FOXA3: variants seen among roughly 807,000 people sequenced by gnomAD.
The protein encoded by FOXA3 is hepatocyte nuclear factor 3-gamma.
Under a neutral mutation model 16.9 loss-of-function variants are expected in FOXA3, and 11 were observed. The ratio of observed to expected loss-of-function variants is 0.65; its 90% confidence interval spans 0.41 to 1.08. FOXA3 has a LOEUF of 1.08. Ranked by LOEUF, FOXA3 falls within the 50% of genes least tolerant of loss-of-function variation. The pLI is 0.00. For missense variants in FOXA3, 423 were observed against 470.1 expected, an observed-to-expected ratio of 0.90 and a Z score of 0.93; for synonymous variants, 217 against 203.3, an observed-to-expected ratio of 1.07 and a Z score of -0.57.
In FOXA3 at chr19:45,872,947, ACCAGCACCTC is replaced by A; in HGVS notation, c.946_955del (p.Ala316AsnfsTer54). 1 of 1,614,184 alleles carries A rather than the reference ACCAGCACCTC, an allele frequency of 6.2e-7. No individual in the cohort carries two copies. The highest frequency in any genetic ancestry group is 8.5e-7 in the Non-Finnish European group (1 of 1,180,028). ...TCAACAACCTAATGTCAGAACAGACACCAGCACCTCCCAAACTGGACGTGGGGTTTGGGGG... is the reference window on the plus strand; with the variant it reads ...TCAACAACCTAATGTCAGAACAGACACCAAACTGGACGTGGGGTTTGGGGG... On this transcript the variant is annotated frameshift_variant, in exon 2 of 2. Transcript: ENST00000302177. LOFTEE classifies it high-confidence loss of function. The surrounding 1 kb of genome is among the most constrained non-coding windows in gnomAD (Gnocchi z 4.5).
Position 45,872,257 on chromosome 19 carries a change from C to T in FOXA3, c.252C>T (p.Ser84=), listed in dbSNP as rs763346655. The T allele has an allele frequency of 1.9e-5, 31 of 1,609,896 alleles. No homozygotes were observed. The highest frequency in any genetic ancestry group is 4.0e-5 in the African/African-American group (3 of 74,864). The part of the protein sequence containing the change: ...LGPTFPGLGV[S]GGSSSSGYGA... ...CCACTTTCCCAGGCCTGGGTGTCAG[C>T]GGTGGCAGCAGCAGCTCCGGGTACG... The change falls in exon 2 of 2, where the codon AGC becomes AGT. Residue 84 remains serine (S), a synonymous_variant. Coordinates refer to ENST00000302177, the MANE Select transcript of FOXA3 (RefSeq NM_004497.3). This position sits in a 1 kb window ranked among gnomAD's most constrained non-coding sequence, Gnocchi z 4.5.
chr19:45,871,028 T>C (rs549704700), intron 1 of FOXA3, among the ~76,000 whole-genome samples: 8 of 152,124 alleles, frequency 5.3e-5, no homozygotes, highest in African/African-American at 1.9e-4. Flanking sequence ...AGTTTGAGGC[T>C]ACAGTGAGCT....
At chr19:45,869,957 T>C (rs1966890608) in intron 1 of FOXA3, among the ~76,000 whole-genome samples, 1 of 149,392 alleles carries the variant, frequency 6.7e-6, no homozygotes, top group African/African-American at 2.5e-5. Flanking sequence ...GGCTATTTTT[T>C]GTGTTTTTAG....
intron 1 of FOXA3, among the ~76,000 whole-genome samples, chr19:45,867,779 CAAA>C (rs60785587): frequency 1.8e-5 from 1 of 55,448 alleles, no homozygotes; most frequent in African/African-American, 1.0e-4. Context: ...GACTCTATCT[CAAA>C]AAAAAAAAAA....
intron 1 of FOXA3, among the ~76,000 whole-genome samples, chr19:45,869,441 A>G (rs1972114289): frequency 6.6e-6 from 1 of 152,226 alleles, no homozygotes; most frequent in African/African-American, 2.4e-5. Context: ...ATTCTTGTGA[A>G]GTGCTTGGAG....
intron 1 of FOXA3, among the ~76,000 whole-genome samples, chr19:45,871,552 C>T (rs1966904542): frequency 6.8e-6 from 1 of 146,328 alleles, no homozygotes; most frequent in Admixed American, 6.9e-5. Context: ...TGGAGAAACC[C>T]TGTCTCTACT....
In FOXA3 at chr19:45,872,190, C is replaced by T. The variant is rs758644255; in HGVS notation, c.185C>T (p.Ser62Leu). The T allele has an allele frequency of 2.1e-5, 34 of 1,595,644 alleles. No homozygotes were observed. In the East Asian group the frequency reaches 7.4e-4, roughly 35 times the overall value. ...GGGCTCCCTGCCTCCCCACTGCCCT[C>T]AGGACCCCTGGCACCCCCAGCACCT... Reference protein sequence around the residue: ...PGGLPASPLPSGPLAPPAPAA... With the variant: ...PGGLPASPLPLGPLAPPAPAA... The change falls in exon 2 of 2, where the codon TCA becomes TTA. Residue 62 changes from serine (S) to leucine (L), a missense_variant. Physicochemically the swap from Ser to Leu is moderately radical, Grantham distance 145. Around this residue, in one of 3 missense-constraint regions of FOXA3, gnomAD observed 170 missense variants for 153.9 expected, o/e 1.10. Transcript: ENST00000302177. This position sits in a 1 kb window ranked among gnomAD's most constrained non-coding sequence, Gnocchi z 4.5.
chr19:45,873,241 C>T lies in FOXA3; in HGVS notation c.*183C>T. 1.1e-6 allele frequency: 1 copy of T among 945,928 alleles called. No individual in the cohort carries two copies. Among genetic ancestry groups the T allele is most frequent in the Admixed American group, 2.7e-5 (1 of 37,522 alleles). The allele number at this position is 945,928 out of a possible 1,614,324, so 58.6% of individuals were successfully genotyped here. ...GATCCACGGGGTACTGTGATAACCA[C>T]CATGGATACATTTTGGTGGCCCACT... On this transcript the variant is annotated 3_prime_UTR_variant, in exon 2 of 2. Transcript: ENST00000302177.
At chr19:45,866,683 G>A (rs1287469885) in intron 1 of FOXA3, among the ~76,000 whole-genome samples, 1 of 152,146 alleles carries the variant, frequency 6.6e-6, no homozygotes, top group Non-Finnish European at 1.5e-5. Context: ...AACACTCAGG[G>A]CAGCTTGCTG....
In FOXA3 at chr19:45,872,740, C is replaced by A; in HGVS notation, c.735C>A (p.Ala245=). 1 of 1,603,688 alleles carries A rather than the reference C, an allele frequency of 6.2e-7. No homozygotes were observed. Among genetic ancestry groups the A allele is most frequent in the Non-Finnish European group, 8.5e-7 (1 of 1,175,778 alleles). ...GSAASTTTPA[A]TVTSPPQPPP... is the part of the protein sequence containing the mutation. ...CTGCCTCGACCACCACCCCCGCGGC[C>A]ACAGTCACCTCCCCGCCCCAGCCCC... Residue 245 remains alanine (A), a synonymous_variant, in exon 2 of 2, where the codon GCC becomes GCA. Coordinates refer to ENST00000302177, the MANE Select transcript of FOXA3 (RefSeq NM_004497.3). This position sits in a 1 kb window ranked among gnomAD's most constrained non-coding sequence, Gnocchi z 4.5.
At position 45,872,430 on chromosome 19, in the gene FOXA3, A is replaced by C. The variant is rs560929375; in HGVS notation, c.425A>C (p.Glu142Ala). 1.2e-6 allele frequency: 2 copies of C among 1,614,228 alleles called. No homozygotes were observed. Among genetic ancestry groups the C allele is most frequent in the East Asian group, 4.5e-5 (2 of 44,886 alleles). Residue 142 changes from glutamate (E) to alanine (A), a missense_variant, in exon 2 of 2, where the codon GAA becomes GCA. Transcript: ENST00000302177. The surrounding 1 kb of genome is among the most constrained non-coding windows in gnomAD (Gnocchi z 4.5). ...CCGGGCAAGATGCTGACCTTGAGTG[A>C]AATCTACCAGTGGATCATGGACCTC... ...QAPGKMLTLS[E>A]IYQWIMDLFP...
chr19:45,872,264 A>G lies in FOXA3; in HGVS notation c.259A>G (p.Ser87Gly), dbSNP rs752761784. 41 of 1,610,750 alleles carry G rather than the reference A, an allele frequency of 2.5e-5. No homozygotes were observed. In the South Asian group the frequency reaches 4.0e-4, roughly 16 times the overall value. ...TFPGLGVSGGSSSSGYGAPGP... is the reference protein window; with the variant it reads ...TFPGLGVSGGGSSSGYGAPGP... ...CCCAGGCCTGGGTGTCAGCGGTGGC[A>G]GCAGCAGCTCCGGGTACGGGGCCCC... Residue 87 changes from serine (S) to glycine (G), a missense_variant, in exon 2 of 2, where the codon AGC becomes GGC. Around this residue, in one of 3 missense-constraint regions of FOXA3, gnomAD observed 170 missense variants for 153.9 expected, o/e 1.10. Transcript: ENST00000302177. This position sits in a 1 kb window ranked among gnomAD's most constrained non-coding sequence, Gnocchi z 4.5.
chr19:45,868,577 T>TTA (rs761777166), intron 1 of FOXA3, among the ~76,000 whole-genome samples: 8 of 116,610 alleles, frequency 6.9e-5, no homozygotes, highest in African/African-American at 2.7e-4. Context: ...GAGACTCTCT[T>TTA]AAAAAAAAAA....
At chr19:45,868,036 G>T (rs1972101892) in intron 1 of FOXA3, among the ~76,000 whole-genome samples, 1 of 151,860 alleles carries the variant, frequency 6.6e-6, no homozygotes, top group Non-Finnish European at 1.5e-5. Flanking sequence ...AACAATGCGG[G>T]GGTGGGGAGG....
At chr19:45,869,623 CTGAG>C (rs780824777) in intron 1 of FOXA3, among the ~76,000 whole-genome samples, 43 of 152,076 alleles carry the variant, frequency 2.8e-4, no homozygotes, top group Non-Finnish European at 5.4e-4. Context: ...ATGATTTTAA[CTGAG>C]TGTTTTTCCC....
Position 45,872,510 on chromosome 19 carries a change from CT to C in FOXA3, c.506del (p.Leu169ArgfsTer51), listed in dbSNP as rs767496597. 1 of 1,614,186 alleles carries C rather than the reference CT, an allele frequency of 6.2e-7. No homozygotes were observed. Among genetic ancestry groups the C allele is most frequent in the Non-Finnish European group, 8.5e-7 (1 of 1,180,038 alleles). On this transcript the variant is annotated frameshift_variant, in exon 2 of 2. Coordinates refer to ENST00000302177, the MANE Select transcript of FOXA3 (RefSeq NM_004497.3). LOFTEE classifies it low-confidence loss of function (END_TRUNC). This position sits in a 1 kb window ranked among gnomAD's most constrained non-coding sequence, Gnocchi z 4.5. ...CTGGCAGAACTCCATTCGCCACTCG[CT>C]GTCTTTCAACGACTGCTTCGTCAAG... ...QRWQNSIRHS[L>X]SFNDCFVKVA...
In FOXA3 at chr19:45,872,176, C is replaced by T; in HGVS notation, c.171C>T (p.Ala57=). The part of the protein sequence containing the change: ...SSPYPPGGLP[A]SPLPSGPLAP... ...CCTATCCCCCTGGGGGGCTCCCTGC[C>T]TCCCCACTGCCCTCAGGACCCCTGG... is the stretch of plus-strand genomic sequence containing the variant. The change falls in exon 2 of 2, where the codon GCC becomes GCT. Residue 57 remains alanine (A), a synonymous_variant. Coordinates refer to ENST00000302177, the MANE Select transcript of FOXA3 (RefSeq NM_004497.3). This position sits in a 1 kb window ranked among gnomAD's most constrained non-coding sequence, Gnocchi z 4.5. 1 of 1,588,952 alleles carries T rather than the reference C, an allele frequency of 6.3e-7. No individual in the cohort carries two copies. The highest frequency in any genetic ancestry group is 8.6e-7 in the Non-Finnish European group (1 of 1,166,696).
chr19:45,871,071 C>G (rs985779416), intron 1 of FOXA3, among the ~76,000 whole-genome samples: 1 of 151,868 alleles, frequency 6.6e-6, no homozygotes, highest in Non-Finnish European at 1.5e-5. Flanking sequence ...GCCTGAGTGA[C>G]AGAGTGAGAC....
In FOXA3 at chr19:45,873,232, T is replaced by G. The variant is rs1220541955; in HGVS notation, c.*174T>G. The G allele has an allele frequency of 9.9e-7, 1 of 1,015,064 alleles. No individual in the cohort carries two copies. The highest frequency in any genetic ancestry group is 1.6e-5 in the African/African-American group (1 of 61,926). The allele number at this position is 1,015,064 out of a possible 1,614,324, so 62.9% of individuals were successfully genotyped here. A position where few individuals can be genotyped will look rare whatever the true frequency, so the allele number is the denominator to read the frequency against. The stretch of plus-strand genomic sequence containing the variant: ...CATGGTGTTGATCCACGGGGTACTG[T>G]GATAACCACCATGGATACATTTTGG... On this transcript the variant is annotated 3_prime_UTR_variant, in exon 2 of 2. Coordinates refer to ENST00000302177, the MANE Select transcript of FOXA3 (RefSeq NM_004497.3).
Sources: allele counts gnomAD v4.1 joint callset (sites outside exome capture counted in the v4.1 genomes callset), GRCh38; gene constraint gnomAD v4.1.1; regional missense constraint gnomAD v4.1.1; non-coding constraint Gnocchi (gnomAD v3.1); transcripts MANE v1.5; gene names NCBI Gene and HGNC (gene_info 2026-07-23, HGNC 2026-07-21).